FRMD3: variants seen among roughly 807,000 people sequenced by gnomAD.
The protein encoded by FRMD3 is FERM domain containing 3.
In FRMD3, 33 loss-of-function variants were observed where a neutral mutation model predicts 70.2. That is an observed-to-expected ratio of 0.47 (90% CI 0.36 to 0.63). The LOEUF (loss-of-function observed/expected upper bound fraction) is 0.63, where lower values mean the gene tolerates loss of function less well. FRMD3 is among the 20% of genes least tolerant of loss of function. FRMD3 has a pLI of 0.00. For synonymous variants in FRMD3, 279 were observed against 255.9 expected (o/e 1.09, Z -0.86); for missense variants, 632 against 711.4 (o/e 0.89, Z 1.27).
chr9:83,564,188 C>T, the FRMD3 span, among the ~76,000 whole-genome samples: 1 of 152,090 alleles, frequency 6.6e-6, no homozygotes, highest in Non-Finnish European at 1.5e-5. Flanking sequence ...AGTTTGTTGA[C>T]TGACTTTCTG....
intron 1 of FRMD3, among the ~76,000 whole-genome samples, chr9:83,534,358 G>C (rs1057177787): frequency 6.6e-6 from 1 of 152,312 alleles, no homozygotes; most frequent in South Asian, 2.1e-4. Context: ...GGACCACTAG[G>C]TTGTGTGTTT....
At chr9:83,311,665 G>C (rs1349531474) in intron 8 of FRMD3, among the ~76,000 whole-genome samples, 2 of 151,998 alleles carry the variant, frequency 1.3e-5, no homozygotes, top group African/African-American at 4.8e-5. Flanking sequence ...CTCTTTGAAG[G>C]CAGAGCCCCT....
rs141992984 is a variant in FRMD3, at chr9:83,378,261, G to GTTTTTTT, written c.253-5313_253-5307dup. Among the ~76,000 whole-genome samples the GTTTTTTT allele has an allele frequency of 4.6e-5, 6 of 129,406 alleles. 2 individuals carry two copies. Among genetic ancestry groups the GTTTTTTT allele is most frequent in the Non-Finnish European group, 3.2e-5 (2 of 62,614 alleles). 84.9% of individuals were successfully genotyped at this position (129,406 alleles called of 152,430 possible). On this transcript the variant is annotated intron_variant, in intron 2 of 13. Transcript: ENST00000304195. ...GAGTCTAACTGTGTCCTTCTTTTTT[G>GTTTTTTT]TTTTTTTTGTTTTTTTTGAGACAGA...
At chr9:83,575,855 C>T in the FRMD3 span, among the ~76,000 whole-genome samples, 7 of 152,134 alleles carry the variant, frequency 4.6e-5, no homozygotes, top group African/African-American at 7.2e-5. Flanking sequence ...TTTTCACATA[C>T]TCTTCTAGAA....
At chr9:83,271,977 C>T (rs1020577289) in intron 13 of FRMD3, among the ~76,000 whole-genome samples, 2 of 152,214 alleles carry the variant, frequency 1.3e-5, no homozygotes, top group African/African-American at 2.4e-5. Flanking sequence ...TCATTCAAAG[C>T]AGTCGGTTAA....
chr9:83,501,561 C>T (rs906343191), intron 1 of FRMD3, among the ~76,000 whole-genome samples: 1 of 152,204 alleles, frequency 6.6e-6, no homozygotes, highest in Non-Finnish European at 1.5e-5. Flanking sequence ...TAATTACCTA[C>T]ATTTTTCCCA....
intron 1 of FRMD3, among the ~76,000 whole-genome samples, chr9:83,465,255 C>T (rs1051227971): frequency 1.3e-5 from 2 of 152,100 alleles, no homozygotes; most frequent in African/African-American, 2.4e-5. Context: ...AGCAAGTCCA[C>T]GACAGCCGTG....
chr9:83,247,241 T>G lies in FRMD3; in HGVS notation c.*677A>C. The G allele has an allele frequency of 2.0e-6, 2 of 985,350 alleles. No individual in the cohort carries two copies. The highest frequency in any genetic ancestry group is 2.4e-6 in the Non-Finnish European group (2 of 829,888). 61.0% of individuals were successfully genotyped at this position (985,350 alleles called of 1,614,324 possible). On this transcript the variant is annotated 3_prime_UTR_variant, in exon 14 of 14. Coordinates refer to ENST00000304195, the MANE Select transcript of FRMD3 (RefSeq NM_174938.6). ...GTCTTTCTACCCATTTTCTATCTCC[T>G]ATGCAGATCATAACAAATTATGGTA...
In FRMD3 at chr9:83,290,739, C is replaced by T; in HGVS notation, c.1071-12G>A. 6.3e-7 allele frequency: 1 copy of T among 1,598,066 alleles called. No homozygotes were observed. The highest frequency in any genetic ancestry group is 1.3e-5 in the African/African-American group (1 of 74,476). On this transcript the variant is annotated splice_polypyrimidine_tract_variant and intron_variant, in intron 12 of 13. Transcript: ENST00000304195. ...GAGTAATGTTGGCTCTGAAAACAGACACAAGCCAGACAGAGTTGGTTTCCA... is the reference window on the plus strand; with the variant it reads ...GAGTAATGTTGGCTCTGAAAACAGATACAAGCCAGACAGAGTTGGTTTCCA...
chr9:83,550,097 T>A, the FRMD3 span, among the ~76,000 whole-genome samples: 1 of 152,306 alleles, frequency 6.6e-6, no homozygotes, highest in East Asian at 1.9e-4. Context: ...TACATTTAAG[T>A]CTTTATTTTA....
chr9:83,293,533 A>ATTT (rs1834531734), intron 12 of FRMD3, among the ~76,000 whole-genome samples: 1 of 152,170 alleles, frequency 6.6e-6, no homozygotes, highest in South Asian at 2.1e-4. Flanking sequence ...GCTCCCCATC[A>ATTT]GACCTCCTTC....
chr9:83,317,193 T>C (rs955219069), intron 6 of FRMD3, among the ~76,000 whole-genome samples: 3 of 145,122 alleles, frequency 2.1e-5, no homozygotes, highest in Non-Finnish European at 3.0e-5. Flanking sequence ...CTCTCATGCA[T>C]ACACACACAC....
At chr9:83,258,034 T>C (rs1832799621) in intron 13 of FRMD3, among the ~76,000 whole-genome samples, 1 of 152,176 alleles carries the variant, frequency 6.6e-6, no homozygotes, top group African/African-American at 2.4e-5. Context: ...ACTGCAATAA[T>C]CAAAAAATAC....
chr9:83,289,463 C>T (rs139721517), intron 13 of FRMD3, among the ~76,000 whole-genome samples: 86 of 152,342 alleles, frequency 5.6e-4, no homozygotes, highest in Non-Finnish European at 1.0e-3. Context: ...CCTAGTTCTC[C>T]TTCTAACCAT....
In FRMD3 at chr9:83,360,522, G is replaced by A. The variant is rs958510708; in HGVS notation, c.296-10765C>T. Among the ~76,000 whole-genome samples the A allele has an allele frequency of 5.3e-5, 8 of 151,966 alleles. No individual in the cohort carries two copies. The East Asian group carries it at 5.8e-4, about 11-fold the overall frequency. ...CTGCCAGCATGTGTAGTTTTGAGTCGTGTGGGCCCCTAAGAAAGAATGCGG... is the reference window on the plus strand; with the variant it reads ...CTGCCAGCATGTGTAGTTTTGAGTCATGTGGGCCCCTAAGAAAGAATGCGG... On this transcript the variant is annotated intron_variant, in intron 3 of 13. Coordinates refer to ENST00000304195, the MANE Select transcript of FRMD3 (RefSeq NM_174938.6).
At chr9:83,506,691 T>C (rs1381829368) in intron 1 of FRMD3, among the ~76,000 whole-genome samples, 4 of 152,232 alleles carry the variant, frequency 2.6e-5, no homozygotes, top group African/African-American at 4.8e-5. Flanking sequence ...ACACTTAGGC[T>C]ACACTCAATT....
chr9:83,383,474 A>T (rs1825420110), intron 2 of FRMD3, among the ~76,000 whole-genome samples: 2 of 152,242 alleles, frequency 1.3e-5, no homozygotes, highest in South Asian at 2.1e-4. Flanking sequence ...TCTCCAAGTC[A>T]TACATCATAG....
At chr9:83,352,735 G>T (rs1824201975) in intron 3 of FRMD3, among the ~76,000 whole-genome samples, 1 of 152,172 alleles carries the variant, frequency 6.6e-6, no homozygotes, top group Admixed American at 6.5e-5. Context: ...ATTCTTGTCT[G>T]CTCTATGCTT....
upstream of FRMD3, among the ~76,000 whole-genome samples, chr9:83,539,582 C>T (rs1829973668): frequency 6.6e-6 from 1 of 152,086 alleles, no homozygotes; most frequent in Non-Finnish European, 1.5e-5. Context: ...TCCTGGGGGT[C>T]GAGGAAGAGT....
Sources: allele counts gnomAD v4.1 joint callset (sites outside exome capture counted in the v4.1 genomes callset), GRCh38; gene constraint gnomAD v4.1.1; transcripts MANE v1.5; gene names NCBI Gene and HGNC (gene_info 2026-07-23, HGNC 2026-07-21).